Variants in RBFOX1 observed in about 807,000 individuals in gnomAD.
RBFOX1 encodes RNA binding protein fox-1 homolog 1.
RBFOX1 carries 8 observed loss-of-function variants against 57.7 expected under a neutral mutation model. The ratio of observed to expected loss-of-function variants is 0.14; its 90% CI spans 0.08 to 0.25. RBFOX1 has a LOEUF of 0.25. RBFOX1 is among the 10% of genes least tolerant of loss of function. RBFOX1 has a pLI of 1.00. For synonymous variants in RBFOX1, 326 were observed against 222.4 expected (o/e 1.47, Z -4.15); for missense variants, 611 against 548.5 (o/e 1.11, Z -1.14).
chr16:5,851,376 C>T (rs1567624148), intron 3 of RBFOX1, among the ~76,000 whole-genome samples: 2 of 152,290 alleles, frequency 1.3e-5, no homozygotes, highest in East Asian at 3.9e-4. Context: ...TGCATTTTGT[C>T]TGAAGACCTT....
chr16:7,646,003 A>C lies in RBFOX1; in HGVS notation c.758-7812A>C, dbSNP rs2063671876. ...GAAATTACTGGATTTTTTTAAAAAA[A>C]GAAAAACCTTTCCATTTTTGTTTGG... On this transcript the variant is annotated intron_variant, in intron 11 of 15. Coordinates refer to ENST00000550418, the MANE Select transcript of RBFOX1 (RefSeq NM_018723.4). Among the ~76,000 whole-genome samples the C allele has an allele frequency of 2.0e-5, 3 of 152,030 alleles. No homozygotes were observed. In the South Asian group the frequency reaches 6.2e-4, roughly 32 times the overall value.
intron 3 of RBFOX1, among the ~76,000 whole-genome samples, chr16:5,690,249 TTGTCATCACAG>T (rs1448011173): frequency 3.9e-5 from 6 of 152,264 alleles, no homozygotes; most frequent in Non-Finnish European, 8.8e-5. Flanking sequence ...ATGCATGTTA[TTGTCATCACAG>T]TGTCATCAAT....
At chr16:7,232,923 C>A (rs2093583372) in intron 4 of RBFOX1, among the ~76,000 whole-genome samples, 1 of 151,750 alleles carries the variant, frequency 6.6e-6, no homozygotes, top group South Asian at 2.1e-4. Context: ...GTTAGCAAAC[C>A]CTGTCAAATT....
chr16:7,095,662 C>T (rs1031415622), intron 4 of RBFOX1, among the ~76,000 whole-genome samples: 1 of 152,098 alleles, frequency 6.6e-6, no homozygotes, highest in Non-Finnish European at 1.5e-5. Context: ...AGATGATAAT[C>T]ATGTTGGTAA....
In RBFOX1 at chr16:7,080,102, T is replaced by C. The variant is rs538793193; in HGVS notation, c.27+28004T>C. 6.7e-4 allele frequency among the ~76,000 whole-genome samples: 99 copies of C among 147,208 alleles called. 1 individual carries two copies. Among genetic ancestry groups the C allele is most frequent in the Admixed American group, 1.2e-3 (18 of 14,702 alleles). ...ACATATGTATATATGTATATATATA[T>C]AAAACCACAATTTAAAAAAGACTAG... On this transcript the variant is annotated intron_variant, in intron 4 of 15. Coordinates refer to ENST00000550418, the MANE Select transcript of RBFOX1 (RefSeq NM_018723.4).
chr16:6,942,967 T>C (rs1237464841), intron 3 of RBFOX1, among the ~76,000 whole-genome samples: 1 of 152,152 alleles, frequency 6.6e-6, no homozygotes, highest in Non-Finnish European at 1.5e-5. Context: ...TTGTGACTTG[T>C]TTCGTGGTTG....
chr16:5,904,212 C>T (rs531015000), intron 4 of RBFOX1, among the ~76,000 whole-genome samples: 1 of 152,208 alleles, frequency 6.6e-6, no homozygotes, highest in East Asian at 1.9e-4. Context: ...CTCATCTCGG[C>T]AAGCCTTGAA....
intron 2 of RBFOX1, among the ~76,000 whole-genome samples, chr16:6,376,781 A>C (rs1416297529): frequency 6.6e-6 from 1 of 152,134 alleles, no homozygotes; most frequent in Non-Finnish European, 1.5e-5. Flanking sequence ...GAAATCTGAA[A>C]TCGGGGTATT....
At chr16:6,707,455 T>C (rs2062945573) in intron 3 of RBFOX1, among the ~76,000 whole-genome samples, 1 of 151,506 alleles carries the variant, frequency 6.6e-6, no homozygotes, top group African/African-American at 2.4e-5. Flanking sequence ...TGCTAGTGAA[T>C]ATTTAGATGG....
intron 2 of RBFOX1, among the ~76,000 whole-genome samples, chr16:6,513,892 G>A (rs1366919427): frequency 1.3e-5 from 2 of 152,152 alleles, no homozygotes; most frequent in African/African-American, 4.8e-5. Flanking sequence ...TCACCTGAGG[G>A]GGCGTCAGGC....
At chr16:5,873,558 G>T (rs1248322634) in intron 4 of RBFOX1, among the ~76,000 whole-genome samples, 1 of 152,192 alleles carries the variant, frequency 6.6e-6, no homozygotes, top group Non-Finnish European at 1.5e-5. Context: ...GTAATTTCTT[G>T]AACGTTTAAG....
At chr16:6,658,067 A>T (rs571119869) in intron 3 of RBFOX1, among the ~76,000 whole-genome samples, 1 of 152,122 alleles carries the variant, frequency 6.6e-6, no homozygotes, top group Non-Finnish European at 1.5e-5. Context: ...AGAAAAGACA[A>T]AACCTTAGGT....
At chr16:5,528,803 C>A (rs1414650670) in intron 2 of RBFOX1, among the ~76,000 whole-genome samples, 1 of 151,970 alleles carries the variant, frequency 6.6e-6, no homozygotes, top group Admixed American at 6.6e-5. Flanking sequence ...GTCTGCACCA[C>A]CATGCTTGGC....
chr16:7,401,424 G>C (rs1008224612), intron 4 of RBFOX1, among the ~76,000 whole-genome samples: 2 of 152,172 alleles, frequency 1.3e-5, no homozygotes, highest in African/African-American at 4.8e-5. Flanking sequence ...TAGGTGTTTT[G>C]GGAAGCCATA....
chr16:5,741,788 C>T lies in RBFOX1; in HGVS notation c.319-125515C>T, dbSNP rs115835087. 4.1e-3 allele frequency among the ~76,000 whole-genome samples: 625 copies of T among 152,154 alleles called. 6 individuals are homozygous for T. Among genetic ancestry groups the T allele is most frequent in the African/African-American group, 0.014 (597 of 41,522 alleles). The stretch of plus-strand genomic sequence containing the variant: ...AAGTGAAACTTTGAGTAGAAACTTT[C>T]GTTAAAGAAATAAAAAACATGTAGA... On this transcript the variant is annotated intron_variant, in intron 3 of 19. Coordinates refer to the RBFOX1 transcript ENST00000641259.
At chr16:5,919,705 A>C (rs2152225922) in intron 4 of RBFOX1, among the ~76,000 whole-genome samples, 1 of 152,248 alleles carries the variant, frequency 6.6e-6, no homozygotes, top group African/African-American at 2.4e-5. Flanking sequence ...TGCCACCACC[A>C]CCTTGATCTC....
At chr16:5,599,095 G>C (rs144438594) in exon 3 of RBFOX1, 2 of 866,570 alleles carry the variant, frequency 2.3e-6, no homozygotes, top group South Asian at 2.8e-5. Flanking sequence ...GAATTAACTG[G>C]GTTTGAGGGG....
At chr16:5,314,345 G>A (rs777125218) in intron 1 of RBFOX1, among the ~76,000 whole-genome samples, 16 of 152,176 alleles carry the variant, frequency 1.1e-4, no homozygotes, top group Non-Finnish European at 1.8e-4. Flanking sequence ...TGGTAGACCC[G>A]TGCCCCATGG....
chr16:6,668,927 C>G (rs2098748378), intron 3 of RBFOX1, among the ~76,000 whole-genome samples: 1 of 152,194 alleles, frequency 6.6e-6, no homozygotes, highest in Non-Finnish European at 1.5e-5. Context: ...GTTCTGTCAT[C>G]TCTTCTAAAA....
Sources: gnomAD v4.1 joint callset for allele counts (sites outside exome capture counted in the v4.1 genomes callset) on GRCh38, gnomAD v4.1.1 for gene constraint, MANE v1.5 for transcripts, NCBI Gene and HGNC (gene_info 2026-07-23, HGNC 2026-07-21) for gene names.